The following NUFIP1 variants were observed in gnomAD, a reference collection of about 807,000 sequenced individuals.
NUFIP1 encodes FMR1-interacting protein NUFIP1.
A neutral mutation model predicts 56.2 loss-of-function variants in NUFIP1; 38 were observed. The observed-to-expected ratio is 0.68, with a 90% CI of 0.52 to 0.89. The LOEUF (loss-of-function observed/expected upper bound fraction) is 0.89. Ranked by LOEUF, NUFIP1 falls within the 40% of genes least tolerant of loss-of-function variation. The pLI is 0.00. For synonymous variants in NUFIP1, 215 were observed against 212.4 expected, an observed-to-expected ratio of 1.01 and a Z score of -0.10; for missense variants, 567 against 605.8, an observed-to-expected ratio of 0.94 and a Z score of 0.67.
intron 5 of NUFIP1, 136 bp downstream of exon 5, chr13:44,979,054 A>G (rs780291228): frequency 1.7e-4 from 106 of 622,524 alleles, no homozygotes; most frequent in Non-Finnish European, 2.6e-4. Context: ...ACTACGTTCA[A>G]TAATAGTCTT....
chr13:44,955,968 C>T (rs1471440159), intron 7 of NUFIP1, among the ~76,000 whole-genome samples: 1 of 151,478 alleles, frequency 6.6e-6, no homozygotes, highest in Non-Finnish European at 1.5e-5. Context: ...ACGGTGAAAC[C>T]CCGTCTCTAC....
chr13:44,961,604 AT>A (rs1218608073), intron 6 of NUFIP1, among the ~76,000 whole-genome samples: 1 of 152,244 alleles, frequency 6.6e-6, no homozygotes, highest in Non-Finnish European at 1.5e-5. Flanking sequence ...ATATATATGT[AT>A]AGTCCAAATT....
Position 44,989,165 on chromosome 13 carries a change from G to C in NUFIP1, c.272C>G (p.Pro91Arg), listed in dbSNP as rs754441592. The part of the protein sequence containing the change: ...FDAQILPGAQ[P>R]PFDAQSPLDS... ...AAGGGGAGACTGGGCGTCGAAGGGG[G>C]GTTGCGCCCCGGGAAGAATCTGGGC... Residue 91 changes from proline (P) to arginine (R), a missense_variant, in exon 1 of 10, where the codon CCC becomes CGC. By Grantham distance (103) the Pro-to-Arg change is moderately radical (BLOSUM62 -2). Transcript: ENST00000379161. The C allele has an allele frequency of 6.2e-7, 1 of 1,613,630 alleles. No homozygotes were observed. Among genetic ancestry groups the C allele is most frequent in the South Asian group, 1.1e-5 (1 of 91,022 alleles).
intron 5 of NUFIP1, among the ~76,000 whole-genome samples, chr13:44,976,019 T>G (rs535125571): frequency 1.1e-3 from 161 of 152,290 alleles, no homozygotes; most frequent in African/African-American, 3.8e-3. Context: ...CAATGCTGAC[T>G]AGTAACCGCT....
chr13:44,967,991 G>T (rs1871669897), intron 5 of NUFIP1, among the ~76,000 whole-genome samples: 1 of 151,550 alleles, frequency 6.6e-6, no homozygotes, highest in South Asian at 2.1e-4. Context: ...ACACTGACTT[G>T]AATAGCACAG....
intron 7 of NUFIP1, among the ~76,000 whole-genome samples, 153 bp from the exon 8 acceptor site, chr13:44,949,991 C>T (rs1002408868): frequency 6.6e-6 from 1 of 152,166 alleles, no homozygotes; most frequent in Non-Finnish European, 1.5e-5. Context: ...AAACACTTCC[C>T]CTTGGTTTAG....
At chr13:44,967,973 C>T (rs567815680) in intron 5 of NUFIP1, among the ~76,000 whole-genome samples, 2 of 148,418 alleles carry the variant, frequency 1.3e-5, no homozygotes, top group East Asian at 4.0e-4. Context: ...TTTTTTTTAA[C>T]ATTTGCAACA....
chr13:44,972,058 A>G (rs1431632574), intron 5 of NUFIP1, among the ~76,000 whole-genome samples: 1 of 152,246 alleles, frequency 6.6e-6, no homozygotes, highest in East Asian at 1.9e-4. Context: ...TCCATGCTCA[A>G]ATAGGCTTAT....
intron 6 of NUFIP1, among the ~76,000 whole-genome samples, chr13:44,964,101 A>G (rs1470322469): frequency 6.6e-6 from 1 of 152,228 alleles, no homozygotes; most frequent in Non-Finnish European, 1.5e-5. Context: ...TTAATTCTAG[A>G]CATATACCAG....
Position 44,943,541 on chromosome 13 carries a change from C to A in NUFIP1, c.1272G>T (p.Lys424Asn). Reference sequence around the variant, plus strand: ...TAGGGTTTGTTTTTTCAAAGCTTTTCTTTCGGTTCTCACTCTTGGCTTCTG... The same window carrying A: ...TAGGGTTTGTTTTTTCAAAGCTTTTATTTCGGTTCTCACTCTTGGCTTCTG... ...NFSEAKSENR[K>N]KSFEKTNPKR... is the part of the protein sequence containing the mutation. Residue 424 changes from lysine (K) to asparagine (N), a missense_variant, in exon 9 of 10, where the codon AAG (lysine) becomes AAT (asparagine). By Grantham distance (94) the Lys-to-Asn change is moderately conservative. Transcript: ENST00000379161. The A allele has an allele frequency of 1.9e-6, 3 of 1,614,062 alleles. No homozygotes were observed. In the East Asian group the frequency reaches 6.7e-5, roughly 36 times the overall value.
chr13:44,954,011 AAAAGAAAG>A (rs561222035), intron 7 of NUFIP1, among the ~76,000 whole-genome samples: 4 of 152,026 alleles, frequency 2.6e-5, no homozygotes, highest in Admixed American at 2.0e-4. Context: ...TTTCATCTTA[AAAAGAAAG>A]AAAGAAAGAA....
At position 44,939,607 on chromosome 13, in the gene NUFIP1, T is replaced by C. The variant is rs1012590134; in HGVS notation, c.*1599A>G. On this transcript the variant is annotated 3_prime_UTR_variant, in exon 10 of 10. Transcript: ENST00000379161. ...TAGAAACCATACAGGCTATATTATA[T>C]CTCCTTAGAAATTTTAAATACACTT... is the stretch of plus-strand genomic sequence containing the variant. 13 of 152,074 alleles carry C rather than the reference T, an allele frequency of 8.5e-5. No homozygotes were observed. Among genetic ancestry groups the C allele is most frequent in the African/African-American group, 3.1e-4 (13 of 41,404 alleles). The allele number at this position is 152,074 out of a possible 1,614,324, so 9.4% of individuals were successfully genotyped here.
intron 8 of NUFIP1, among the ~76,000 whole-genome samples, chr13:44,945,785 T>C (rs1870885283): frequency 1.3e-5 from 2 of 152,110 alleles, no homozygotes; most frequent in Admixed American, 6.5e-5. Context: ...CCAATAGTTA[T>C]ACTATTTACT....
intron 5 of NUFIP1, 32 bp from the exon 6 acceptor site, chr13:44,965,968 G>A: frequency 2.3e-6 from 3 of 1,289,472 alleles, no homozygotes; most frequent in Middle Eastern, 2.3e-4. Flanking sequence ...TTATAATAGG[G>A]CTTTTAGAGT....
chr13:44,945,579 T>C (rs1354445138), intron 8 of NUFIP1, among the ~76,000 whole-genome samples: 1 of 152,032 alleles, frequency 6.6e-6, no homozygotes, highest in Admixed American at 6.6e-5. Context: ...TAATAAAATA[T>C]TAGATCAAAT....
chr13:44,944,706 T>C (rs913371717), intron 8 of NUFIP1, among the ~76,000 whole-genome samples: 3 of 152,058 alleles, frequency 2.0e-5, no homozygotes, highest in Non-Finnish European at 2.9e-5. Flanking sequence ...TATAGAGATA[T>C]GTTCTCTGAC....
chr13:44,975,801 C>T (rs978687590), intron 5 of NUFIP1, among the ~76,000 whole-genome samples: 3 of 152,222 alleles, frequency 2.0e-5, no homozygotes, highest in Non-Finnish European at 2.9e-5. Flanking sequence ...CTATAGACAT[C>T]GTAGAAAAGA....
intron 1 of NUFIP1, 74 bp downstream of exon 1, chr13:44,988,951 G>A (rs941444830): frequency 2.7e-6 from 4 of 1,465,760 alleles, no homozygotes; most frequent in African/African-American, 2.8e-5. Context: ...GTAGAGAGAG[G>A]AAGCAGAGAA....
chr13:44,976,370 GAGGCGA>G (rs887716416), intron 5 of NUFIP1, among the ~76,000 whole-genome samples: 10 of 151,654 alleles, frequency 6.6e-5, no homozygotes, highest in Non-Finnish European at 2.9e-5. Context: ...GGAGGAGGAG[GAGGCGA>G]AGGTGAAGGT....
Sources: gnomAD v4.1 joint callset for allele counts (sites outside exome capture counted in the v4.1 genomes callset) on GRCh38, gnomAD v4.1.1 for gene constraint, MANE v1.5 for transcripts, NCBI Gene and HGNC (gene_info 2026-07-23, HGNC 2026-07-21) for gene names.